Variants in DAB1 observed in about 807,000 individuals in gnomAD.
DAB1 encodes disabled homolog 1.
Under a neutral mutation model 64.6 loss-of-function variants are expected in DAB1, and 15 were observed. The ratio of observed to expected loss-of-function variants is 0.23; its 90% confidence interval spans 0.16 to 0.36. The LOEUF (loss-of-function observed/expected upper bound fraction) is 0.36. Among genes scored for constraint, DAB1 ranks in the 10% least tolerant of loss-of-function variants. The pLI, the probability that DAB1 is intolerant of heterozygous loss-of-function variation, is 1.00. For missense variants in DAB1, 596 were observed against 706.7 expected (o/e 0.84, Z 1.78); for synonymous variants, 235 against 251.9 (o/e 0.93, Z 0.64).
At chr1:57,757,869 T>C (rs995531578) in intron 6 of DAB1, among the ~76,000 whole-genome samples, 11 of 152,150 alleles carry the variant, frequency 7.2e-5, no homozygotes, top group Non-Finnish European at 1.2e-4. Context: ...CAGGCTGAAG[T>C]GCAGTGGCAG....
At chr1:57,606,258 G>A (rs2101592559) in intron 7 of DAB1, 1 of 161,348 alleles carries the variant, frequency 6.2e-6, no homozygotes, top group Non-Finnish European at 1.3e-5. Context: ...AGTGAACAGT[G>A]GTGAGCCAGG....
intron 2 of DAB1, among the ~76,000 whole-genome samples, chr1:57,283,424 G>A (rs1024968805): frequency 6.6e-6 from 1 of 152,156 alleles, no homozygotes; most frequent in Non-Finnish European, 1.5e-5. Flanking sequence ...AGACATGGTG[G>A]GAGTTGGGGG....
At chr1:57,555,880 T>A (rs1020275070) in intron 7 of DAB1, among the ~76,000 whole-genome samples, 7 of 152,196 alleles carry the variant, frequency 4.6e-5, no homozygotes, top group Non-Finnish European at 8.8e-5. Context: ...GAATCTTCTT[T>A]CATTCCTTTA....
At chr1:57,583,410 C>T (rs531526902) in intron 7 of DAB1, among the ~76,000 whole-genome samples, 1 of 151,994 alleles carries the variant, frequency 6.6e-6, no homozygotes, top group South Asian at 2.1e-4. Flanking sequence ...CCTCAGCCTC[C>T]CAAGTAGCTG....
At chr1:57,583,896 CAT>C (rs1645346331) in intron 7 of DAB1, among the ~76,000 whole-genome samples, 1 of 152,192 alleles carries the variant, frequency 6.6e-6, no homozygotes, top group African/African-American at 2.4e-5. Context: ...GTGGGGCTTA[CAT>C]GCCATTGCGG....
chr1:57,941,251 G>A (rs1489232186), intron 5 of DAB1, among the ~76,000 whole-genome samples: 1 of 152,188 alleles, frequency 6.6e-6, no homozygotes, highest in South Asian at 2.1e-4. Context: ...CACTGGAGAT[G>A]GTCCATAGTT....
chr1:57,728,126 C>T (rs780814282), intron 6 of DAB1, among the ~76,000 whole-genome samples: 8 of 152,080 alleles, frequency 5.3e-5, no homozygotes, highest in Non-Finnish European at 1.0e-4. Flanking sequence ...CCTGACCTAC[C>T]GGATGTTGTC....
chr1:57,136,422 T>A, intron 4 of DAB1, 121 bp downstream of exon 4: 1 of 483,490 alleles, frequency 2.1e-6, no homozygotes, highest in South Asian at 5.4e-5. Flanking sequence ...TTGATCAAGT[T>A]TGTCAGTTGC....
chr1:57,693,122 C>T (rs370516810), intron 6 of DAB1, among the ~76,000 whole-genome samples: 67 of 152,230 alleles, frequency 4.4e-4, no homozygotes, highest in Admixed American at 1.6e-3. Flanking sequence ...TACCGAGGGC[C>T]CCTGGACTGA....
intron 3 of DAB1, among the ~76,000 whole-genome samples, chr1:58,346,805 G>A (rs778798176): frequency 9.2e-5 from 14 of 152,178 alleles, no homozygotes; most frequent in East Asian, 1.9e-4. Flanking sequence ...AGAAGGAAAC[G>A]ATGAAACACC....
chr1:57,752,809 T>G (rs758361314), intron 6 of DAB1, among the ~76,000 whole-genome samples: 8 of 152,218 alleles, frequency 5.3e-5, no homozygotes, highest in Non-Finnish European at 1.2e-4. Flanking sequence ...ATACAGTTCT[T>G]GTAAGGGTTA....
At chr1:58,131,983 C>T (rs1653621180) in intron 5 of DAB1, among the ~76,000 whole-genome samples, 1 of 152,052 alleles carries the variant, frequency 6.6e-6, no homozygotes, top group South Asian at 2.1e-4. Flanking sequence ...TGGTGGGCTC[C>T]ACCCAGTTCG....
chr1:58,038,421 C>T (rs990110759), intron 5 of DAB1, among the ~76,000 whole-genome samples: 4 of 152,130 alleles, frequency 2.6e-5, no homozygotes, highest in African/African-American at 9.7e-5. Flanking sequence ...GAAAACAAAC[C>T]TGTAGTACTA....
chr1:57,395,416 A>C (rs2101014753), intron 1 of DAB1, among the ~76,000 whole-genome samples: 1 of 152,188 alleles, frequency 6.6e-6, no homozygotes, highest in Non-Finnish European at 1.5e-5. Context: ...ACCCTAATAA[A>C]CTAGCTCTGA....
chr1:58,250,184 C>T (rs972199162), intron 4 of DAB1, among the ~76,000 whole-genome samples: 2 of 152,182 alleles, frequency 1.3e-5, no homozygotes, highest in African/African-American at 4.8e-5. Flanking sequence ...CCTACCCCGG[C>T]GCGCCCACCT....
At chr1:58,091,248 T>G (rs1650639361) in intron 5 of DAB1, among the ~76,000 whole-genome samples, 1 of 152,270 alleles carries the variant, frequency 6.6e-6, no homozygotes, top group South Asian at 2.1e-4. Context: ...ATACACTTTC[T>G]TTACAACAAA....
At chr1:57,007,028 T>TC (rs1557521624) in intron 14 of DAB1, among the ~76,000 whole-genome samples, 3 of 151,894 alleles carry the variant, frequency 2.0e-5, no homozygotes, top group South Asian at 2.1e-4. Context: ...CTCCTTTTTT[T>TC]TCTCTCTCTC....
intron 5 of DAB1, among the ~76,000 whole-genome samples, chr1:57,918,067 C>CAATAAATAAATA (rs59397849): frequency 0.016 from 2,189 of 138,666 alleles, 46 homozygotes; most frequent in East Asian, 0.082. Context: ...GACTCCGTCT[C>CAATAAATAAATA]AATAAATAAA....
At chr1:57,879,976 T>C (rs12139686) in intron 1 of DAB1, 3,947 of 152,334 alleles carry the variant, frequency 0.026, 94 homozygotes, top group East Asian at 0.13. Context: ...AATTACAGTT[T>C]GCTAAATGTA....
Sources: allele counts gnomAD v4.1 joint callset (sites outside exome capture counted in the v4.1 genomes callset), GRCh38; gene constraint gnomAD v4.1.1; transcripts MANE v1.5; gene names NCBI Gene and HGNC (gene_info 2026-07-23, HGNC 2026-07-21).